GTPBP10: variants seen among roughly 807,000 people sequenced by gnomAD.
The protein encoded by GTPBP10 is GTP binding protein 10.
In GTPBP10, 38 loss-of-function variants were observed where a neutral mutation model predicts 44.8. The ratio of observed to expected loss-of-function variants is 0.85; its 90% CI spans 0.65 to 1.11. The LOEUF is 1.11. Ranked by LOEUF, GTPBP10 falls within the 50% of genes most tolerant of loss-of-function variation. The probability of loss-of-function intolerance (pLI) is 0.00; values close to 1 mark genes in which losing one functional copy is unlikely to be tolerated. For synonymous variants in GTPBP10, 152 were observed against 150.6 expected, an observed-to-expected ratio of 1.01 and a Z score of -0.07; for missense variants, 462 against 453.7, an observed-to-expected ratio of 1.02 and a Z score of -0.17.
Position 90,377,559 on chromosome 7 carries a change from G to A in GTPBP10, c.644G>A (p.Gly215Glu). The A allele has an allele frequency of 6.2e-7, 1 of 1,611,366 alleles. No homozygotes were observed. The highest frequency in any genetic ancestry group is 1.1e-5 in the South Asian group (1 of 90,552). The change falls in exon 7 of 10, where the codon GGA becomes GAA. Residue 215 changes from glycine (G) to glutamate (E), a missense_variant. By Grantham distance (98) the Gly-to-Glu change is moderately conservative. Coordinates refer to ENST00000222511, the MANE Select transcript of GTPBP10 (RefSeq NM_033107.4). ...ATAGAAGGAGCACATATGAACAAAG[G>A]AATGGGCCACAAATTCCTCAAGCAT... Reference protein sequence around the residue: ...GLIEGAHMNKGMGHKFLKHIE... With the variant: ...GLIEGAHMNKEMGHKFLKHIE...
At position 90,355,075 on chromosome 7, in the gene GTPBP10, C is replaced by T. The variant is rs1239322348; in HGVS notation, c.320-11C>T. ...ATCTTTGCTGTAAGTATTTCTCTCCCTCTTTTTAAGGAGAACTCAATAAAG... is the reference window on the plus strand; with the variant it reads ...ATCTTTGCTGTAAGTATTTCTCTCCTTCTTTTTAAGGAGAACTCAATAAAG... On this transcript the variant is annotated splice_polypyrimidine_tract_variant and intron_variant, in intron 3 of 9. Coordinates refer to ENST00000222511, the MANE Select transcript of GTPBP10 (RefSeq NM_033107.4). 4.6e-6 allele frequency: 7 copies of T among 1,519,382 alleles called. No homozygotes were observed. Among genetic ancestry groups the T allele is most frequent in the Non-Finnish European group, 2.7e-6 (3 of 1,112,720 alleles). The allele number at this position is 1,519,382 out of a possible 1,614,324, so 94.1% of individuals were successfully genotyped here.
intron 4 of GTPBP10, 65 bp from the exon 5 acceptor site, chr7:90,372,090 G>T: frequency 2.1e-6 from 2 of 934,210 alleles, no homozygotes; most frequent in South Asian, 1.5e-5. Context: ...AAGTCTACTT[G>T]AATTGTTAGG....
intron 4 of GTPBP10, among the ~76,000 whole-genome samples, chr7:90,363,489 T>C (rs1055432245): frequency 6.6e-6 from 1 of 152,244 alleles, no homozygotes; most frequent in African/African-American, 2.4e-5. Context: ...TTTTAGAGTT[T>C]CTGCCGAGAG....
At chr7:90,368,965 G>A (rs891239176) in intron 4 of GTPBP10, among the ~76,000 whole-genome samples, 5 of 152,114 alleles carry the variant, frequency 3.3e-5, no homozygotes, top group African/African-American at 7.2e-5. Flanking sequence ...GGTGACCTAC[G>A]ATGAGGTTTT....
chr7:90,356,221 A>G (rs1464506040), intron 4 of GTPBP10, among the ~76,000 whole-genome samples: 13 of 152,034 alleles, frequency 8.6e-5, no homozygotes, highest in Admixed American at 7.2e-4. Context: ...GCTTACCACC[A>G]TTGGTTTAGG....
intron 4 of GTPBP10, among the ~76,000 whole-genome samples, chr7:90,361,230 T>G (rs964284497): frequency 2.6e-5 from 4 of 152,182 alleles, no homozygotes; most frequent in Non-Finnish European, 4.4e-5. Flanking sequence ...AAGGGAGTGC[T>G]TCCAGTTTTT....
In GTPBP10 at chr7:90,389,336, G is replaced by A. The variant is rs1271406148; in HGVS notation, c.*4182G>A. On this transcript the variant is annotated 3_prime_UTR_variant, in exon 10 of 10. Transcript: ENST00000222511. The stretch of plus-strand genomic sequence containing the variant: ...GATGTCATTTTTTTAAAGTTGGATG[G>A]TGAATACATGAGTTGTTTTTTAAAC... The A allele has an allele frequency of 6.6e-6, 1 of 152,042 alleles. No homozygotes were observed. Among genetic ancestry groups the A allele is most frequent in the Non-Finnish European group, 1.5e-5 (1 of 68,004 alleles). 9.4% of individuals were successfully genotyped at this position (152,042 alleles called of 1,614,324 possible).
chr7:90,366,955 T>G (rs1796146540), intron 4 of GTPBP10, among the ~76,000 whole-genome samples: 1 of 152,202 alleles, frequency 6.6e-6, no homozygotes. Context: ...CACACTGTTT[T>G]AAGTGTGTCC....
intron 2 of GTPBP10, among the ~76,000 whole-genome samples, chr7:90,354,095 A>G (rs895547983): frequency 8.6e-5 from 13 of 151,896 alleles, no homozygotes; most frequent in Non-Finnish European, 1.8e-4. Flanking sequence ...CCGCCTCCCA[A>G]AGTGCTGAGA....
chr7:90,378,259 A>C, intron 8 of GTPBP10, 48 bp downstream of exon 8: 1 of 1,546,958 alleles, frequency 6.5e-7, no homozygotes, highest in Admixed American at 1.8e-5. Context: ...AATACATAGG[A>C]ATGTAAGACT....
intron 4 of GTPBP10, among the ~76,000 whole-genome samples, chr7:90,363,780 C>T (rs934117964): frequency 3.9e-5 from 6 of 152,272 alleles, no homozygotes; most frequent in East Asian, 1.9e-4. Context: ...ACCAATCAGA[C>T]GTAGATTTGG....
At chr7:90,377,732 T>C (rs1281232076) in intron 7 of GTPBP10, 118 bp downstream of exon 7, 4 of 655,592 alleles carry the variant, frequency 6.1e-6, no homozygotes, top group Non-Finnish European at 7.6e-6. Context: ...ACTAAGTCTT[T>C]TATAATATGG....
chr7:90,354,403 T>C, intron 2 of GTPBP10, 55 bp from the exon 3 acceptor site: 1 of 755,530 alleles, frequency 1.3e-6, no homozygotes, highest in South Asian at 2.4e-5. Context: ...TGTATGTGTG[T>C]GTGTGTATAT....
intron 8 of GTPBP10, among the ~76,000 whole-genome samples, chr7:90,379,064 CACTTAA>C (rs1483517512): frequency 2.0e-5 from 3 of 152,106 alleles, no homozygotes; most frequent in Non-Finnish European, 2.9e-5. Flanking sequence ...TCCCATTAGT[CACTTAA>C]ACTTAATATG....
intron 1 of GTPBP10, among the ~76,000 whole-genome samples, chr7:90,348,756 A>G (rs971643579): frequency 5.3e-5 from 8 of 152,162 alleles, no homozygotes; most frequent in African/African-American, 9.7e-5. Context: ...AAATGTTTCT[A>G]TAGGGTACCA....
rs1194282558 is a variant in GTPBP10 at position 90,389,033 on chromosome 7, A to G, written c.*3879A>G. On this transcript the variant is annotated 3_prime_UTR_variant, in exon 10 of 10. Transcript: ENST00000222511. ...TAAACCTACACAAAAGATAAAAGATATCTTATTGCAAAAATAGGGCAACAT... is the reference window on the plus strand; with the variant it reads ...TAAACCTACACAAAAGATAAAAGATGTCTTATTGCAAAAATAGGGCAACAT... 1 of 152,246 alleles carries G rather than the reference A, an allele frequency of 6.6e-6. No individual in the cohort carries two copies. Among genetic ancestry groups the G allele is most frequent in the Non-Finnish European group, 1.5e-5 (1 of 68,028 alleles). The allele number at this position is 152,246 out of a possible 1,614,324, so 9.4% of individuals were successfully genotyped here. A position where few individuals can be genotyped will look rare whatever the true frequency, so the allele number is the denominator to read the frequency against.
intron 8 of GTPBP10, among the ~76,000 whole-genome samples, chr7:90,382,497 T>C (rs530458131): frequency 1.3e-5 from 2 of 152,280 alleles, no homozygotes; most frequent in South Asian, 2.1e-4. Context: ...TCCTAGCTCA[T>C]TGTAGCCTCA....
chr7:90,368,492 GT>G (rs537637055), intron 4 of GTPBP10, among the ~76,000 whole-genome samples: 135 of 151,836 alleles, frequency 8.9e-4, no homozygotes, highest in African/African-American at 3.1e-3. Context: ...TTTCTTTTCA[GT>G]TTTTTTTCCT....
intron 4 of GTPBP10, among the ~76,000 whole-genome samples, chr7:90,362,675 TC>T (rs531527432): frequency 7.4e-4 from 113 of 152,322 alleles, no homozygotes; most frequent in Admixed American, 3.9e-3. Context: ...TGAGTTCAAT[TC>T]CTGGATATCC....
Sources: allele counts gnomAD v4.1 joint callset (sites outside exome capture counted in the v4.1 genomes callset), GRCh38; gene constraint gnomAD v4.1.1; transcripts MANE v1.5; gene names NCBI Gene and HGNC (gene_info 2026-07-23, HGNC 2026-07-21).